STON1: variants seen among roughly 807,000 people sequenced by gnomAD.
STON1 encodes the protein stonin-1.
A neutral mutation model predicts 60.9 loss-of-function variants in STON1; 79 were observed. The observed-to-expected ratio is 1.30, with a 90% confidence interval of 1.08 to 1.56. The LOEUF (loss-of-function observed/expected upper bound fraction) is 1.56, where lower values mean the gene tolerates loss of function less well. Among genes scored for constraint, STON1 ranks in the 40% most tolerant of loss-of-function variants. STON1 has a pLI of 0.00. For synonymous variants in STON1, 363 were observed against 306.9 expected (o/e 1.18, Z -1.91); for missense variants, 1,166 against 858.9 (o/e 1.36, Z -4.47).
intron 2 of STON1, among the ~76,000 whole-genome samples, chr2:48,583,903 C>A (rs1372499781): frequency 6.6e-6 from 1 of 152,018 alleles, no homozygotes; most frequent in Non-Finnish European, 1.5e-5. Flanking sequence ...AGGCGCCCAC[C>A]ACCATGCCTG....
chr2:48,550,574 T>TTATA (rs1054845823), intron 1 of STON1, among the ~76,000 whole-genome samples: 9 of 148,090 alleles, frequency 6.1e-5, no homozygotes, highest in Admixed American at 4.8e-4. Flanking sequence ...TATATATATA[T>TTATA]TATATATATA....
intron 3 of STON1, 122 bp downstream of exon 3, chr2:48,591,977 A>G (rs937195489): frequency 3.7e-6 from 5 of 1,355,272 alleles, no homozygotes; most frequent in Non-Finnish European, 2.9e-6. Context: ...TGCCCTAGAG[A>G]GGATCTCAGC....
chr2:48,577,594 G>GA (rs775509008), intron 1 of STON1, among the ~76,000 whole-genome samples: 37 of 141,380 alleles, frequency 2.6e-4, no homozygotes, highest in Admixed American at 1.3e-3. Context: ...AAAAAAAAAA[G>GA]AAAAAAAAAC....
intron 2 of STON1, among the ~76,000 whole-genome samples, chr2:48,589,382 C>T (rs560055890): frequency 1.8e-4 from 28 of 152,284 alleles, no homozygotes; most frequent in East Asian, 9.7e-4. Context: ...GTCAGCACTG[C>T]GACAACACGA....
chr2:48,590,985 GAA>G (rs1356834187), intron 2 of STON1, among the ~76,000 whole-genome samples: 2 of 152,048 alleles, frequency 1.3e-5, no homozygotes, highest in Non-Finnish European at 2.9e-5. Flanking sequence ...AATTTGGGCT[GAA>G]GTTTATTTTT....
Position 48,598,206 on chromosome 2 carries a change from A to T in STON1, c.*2904A>T, listed in dbSNP as rs1402122077. 1 of 152,234 alleles carries T rather than the reference A, an allele frequency of 6.6e-6. No homozygotes were observed. Among genetic ancestry groups the T allele is most frequent in the Non-Finnish European group, 1.5e-5 (1 of 68,034 alleles). 9.4% of individuals were successfully genotyped at this position (152,234 alleles called of 1,614,324 possible). On this transcript the variant is annotated 3_prime_UTR_variant, in exon 4 of 4. Transcript: ENST00000404752. ...ATCACAAGAGTTTATCCACTAAAAAAAGATATGTAAAAAAGATACTTTCCA... is the reference window on the plus strand; with the variant it reads ...ATCACAAGAGTTTATCCACTAAAAATAGATATGTAAAAAAGATACTTTCCA...
chr2:48,584,104 C>G (rs1674061948), intron 2 of STON1, among the ~76,000 whole-genome samples: 1 of 152,068 alleles, frequency 6.6e-6, no homozygotes, highest in African/African-American at 2.4e-5. Context: ...ACATCAAGTG[C>G]TGGGGATAAA....
Position 48,597,559 on chromosome 2 carries a change from T to C in STON1, c.*2257T>C, listed in dbSNP as rs13018198. 34,723 of 152,388 alleles carry C rather than the reference T, an allele frequency of 0.23. 4,673 individuals carry two copies. Among genetic ancestry groups the C allele is most frequent in the Middle Eastern group, 0.31 (90 of 294 alleles). 9.4% of individuals were successfully genotyped at this position (152,388 alleles called of 1,614,324 possible). A position where few individuals can be genotyped will look rare whatever the true frequency, so the allele number is the denominator to read the frequency against. ...TGACTAGTATCTGTGGGTACCTCCCTGCCCAGGTTATTCACTCACAAGCCA... is the reference window on the plus strand; with the variant it reads ...TGACTAGTATCTGTGGGTACCTCCCCGCCCAGGTTATTCACTCACAAGCCA... On this transcript the variant is annotated 3_prime_UTR_variant, in exon 4 of 4. Transcript: ENST00000404752.
intron 1 of STON1, among the ~76,000 whole-genome samples, chr2:48,579,685 T>C (rs2103907731): frequency 6.6e-6 from 1 of 152,334 alleles, no homozygotes; most frequent in East Asian, 1.9e-4. Flanking sequence ...GAATATGTGT[T>C]CTGCTGCTGT....
chr2:48,582,476 A>C lies in STON1; in HGVS notation c.1843A>C (p.Ile615Leu). ...SLQELESEPV[I>L]QVTVGSAKYE... ...ACAGGAACTTGAATCTGAACCTGTC[A>C]TTCAAGTCACTGTGGGGTCAGCAAA... The change falls in exon 2 of 4, where the codon ATT becomes CTT. Residue 615 changes from isoleucine to leucine, a missense_variant. Physicochemically the swap from Ile to Leu is conservative, Grantham distance 5. Transcript: ENST00000404752. The C allele has an allele frequency of 6.2e-7, 1 of 1,614,184 alleles. No individual in the cohort carries two copies. Among genetic ancestry groups the C allele is most frequent in the Non-Finnish European group, 8.5e-7 (1 of 1,179,994 alleles).
chr2:48,595,467 T>C lies in STON1; in HGVS notation c.*165T>C, dbSNP rs544637409. 1.0e-5 allele frequency: 6 copies of C among 592,298 alleles called. No individual in the cohort carries two copies. Among genetic ancestry groups the C allele is most frequent in the African/African-American group, 7.6e-5 (4 of 52,730 alleles). 36.7% of individuals were successfully genotyped at this position (592,298 alleles called of 1,614,324 possible). ...TTTAGACCTAAAACCGAACAATCTG[T>C]ATTTTTTGCTTTTCATGTGTTTTTG... On this transcript the variant is annotated 3_prime_UTR_variant, in exon 4 of 4. Coordinates refer to ENST00000404752, the MANE Select transcript of STON1 (RefSeq NM_006873.4).
At chr2:48,578,485 C>G (rs1673655770) in intron 1 of STON1, among the ~76,000 whole-genome samples, 1 of 149,118 alleles carries the variant, frequency 6.7e-6, no homozygotes, top group Non-Finnish European at 1.5e-5. Context: ...TGGCCCAACA[C>G]AATTCTAATT....
rs760616539 is a variant in STON1 at position 48,580,639 on chromosome 2, C to T, written c.6C>T (p.Cys2=). The T allele has an allele frequency of 1.5e-6, 2 of 1,358,558 alleles. No homozygotes were observed. Among genetic ancestry groups the T allele is most frequent in the Non-Finnish European group, 1.9e-6 (2 of 1,048,960 alleles). 84.2% of individuals were successfully genotyped at this position (1,358,558 alleles called of 1,614,324 possible). M[C]STNPGKWVTF... Reference sequence around the variant, plus strand: ...ACCACAATCTGATCCCAAAGATGTGCTCCACAAATCCAGGCAAATGGGTCA... The same window carrying T: ...ACCACAATCTGATCCCAAAGATGTGTTCCACAAATCCAGGCAAATGGGTCA... Residue 2 remains cysteine (C), a synonymous_variant, in exon 2 of 4, where the codon TGC becomes TGT. Transcript: ENST00000404752.
At chr2:48,537,092 C>G (rs1397028663) in intron 1 of STON1, among the ~76,000 whole-genome samples, 1 of 152,156 alleles carries the variant, frequency 6.6e-6, no homozygotes, top group African/African-American at 2.4e-5. Context: ...ATTTCTGTGA[C>G]TCCTACATCT....
chr2:48,569,609 A>G (rs1673101515), intron 1 of STON1, among the ~76,000 whole-genome samples: 2 of 152,254 alleles, frequency 1.3e-5, no homozygotes, highest in Non-Finnish European at 2.9e-5. Context: ...CTTTCCTTGA[A>G]AAAGCTTCAG....
In STON1 at chr2:48,596,435, A is replaced by G. The variant is rs1259203408; in HGVS notation, c.*1133A>G. Reference sequence around the variant, plus strand: ...ATAATTCTGTTTATAATTTCCTTTCAGCATTTACAGTGAAAAGTGAGAATT... The same window carrying G: ...ATAATTCTGTTTATAATTTCCTTTCGGCATTTACAGTGAAAAGTGAGAATT... On this transcript the variant is annotated 3_prime_UTR_variant, in exon 4 of 4. Coordinates refer to ENST00000404752, the MANE Select transcript of STON1 (RefSeq NM_006873.4). 6.6e-6 allele frequency: 1 copy of G among 152,186 alleles called. No homozygotes were observed. The highest frequency in any genetic ancestry group is 1.5e-5 in the Non-Finnish European group (1 of 68,032). The allele number at this position is 152,186 out of a possible 1,614,324, so 9.4% of individuals were successfully genotyped here.
chr2:48,540,693 G>C (rs1017959915), intron 1 of STON1, among the ~76,000 whole-genome samples: 1 of 152,168 alleles, frequency 6.6e-6, no homozygotes, highest in African/African-American at 2.4e-5. Context: ...CAAAGACGGC[G>C]CTCTTGAGCC....
In STON1 at chr2:48,554,732, T is replaced by TTATTTATTTATTTATA. The variant is rs1558589179; in HGVS notation, c.-48+24525_-48+24526insATTTATATATTTATTT. ...ATTTTTTTTTTTTTTTTTTATTTAT[T>TTATTTATTTATTTATA]TATTTATTTTTTTATTGATAATTCT... On this transcript the variant is annotated intron_variant, in intron 1 of 3. Coordinates refer to ENST00000404752, the MANE Select transcript of STON1 (RefSeq NM_006873.4). Among the ~76,000 whole-genome samples, 17 of 68,566 alleles carry TTATTTATTTATTTATA rather than the reference T, an allele frequency of 2.5e-4. 1 individual carries two copies. Among genetic ancestry groups the TTATTTATTTATTTATA allele is most frequent in the African/African-American group, 8.7e-4 (17 of 19,562 alleles). The allele number at this position is 68,566 out of a possible 152,430, so 45.0% of individuals were successfully genotyped here.
chr2:48,594,161 C>T lies in STON1; in HGVS notation c.2134-1067C>T, dbSNP rs116086903. 1.0e-2 allele frequency among the ~76,000 whole-genome samples: 1,522 copies of T among 152,248 alleles called. 29 individuals are homozygous for T. The highest frequency in any genetic ancestry group is 0.034 in the African/African-American group (1,424 of 41,528). On this transcript the variant is annotated intron_variant, in intron 3 of 3. Coordinates refer to ENST00000404752, the MANE Select transcript of STON1 (RefSeq NM_006873.4). Reference sequence around the variant, plus strand: ...CCCATGAATGTTGAACTCAACGGCACTCTCCAGTAAACTTTCTGCACACAG... The same window carrying T: ...CCCATGAATGTTGAACTCAACGGCATTCTCCAGTAAACTTTCTGCACACAG...
Sources: allele counts gnomAD v4.1 joint callset (sites outside exome capture counted in the v4.1 genomes callset), GRCh38; gene constraint gnomAD v4.1.1; transcripts MANE v1.5; gene names NCBI Gene and HGNC (gene_info 2026-07-23, HGNC 2026-07-21).